The following ZFHX3 variants were observed in gnomAD, a reference collection of about 807,000 sequenced individuals.
ZFHX3 encodes zinc finger homeobox protein 3.
ZFHX3 carries 42 observed loss-of-function variants against 279.1 expected under a neutral mutation model. The observed-to-expected ratio is 0.15, with a 90% confidence interval of 0.12 to 0.19. The LOEUF (loss-of-function observed/expected upper bound fraction) is 0.19, where lower values mean the gene tolerates loss of function less well. Among genes scored for constraint, ZFHX3 ranks in the 10% least tolerant of loss-of-function variants. The pLI is 1.00. For missense variants in ZFHX3, 4,981 were observed against 4,754.0 expected (o/e 1.05, Z -1.40); for synonymous variants, 2,293 against 1,957.8 (o/e 1.17, Z -4.52).
At chr16:72,874,720 C>T (rs12927973) in intron 4 of ZFHX3, among the ~76,000 whole-genome samples, 1 of 150,638 alleles carries the variant, frequency 6.6e-6, no homozygotes, top group South Asian at 2.1e-4. Context: ...ACTCAAACTT[C>T]TGGGCTCCCA....
intron 1 of ZFHX3, chr16:73,006,031 G>A (rs897294315): frequency 2.0e-5 from 3 of 152,130 alleles, no homozygotes; most frequent in Non-Finnish European, 4.4e-5. Flanking sequence ...AAATTTAAAT[G>A]TGTCTTGGGC....
At chr16:73,222,340 C>T (rs1264765493) in intron 5 of ZFHX3, among the ~76,000 whole-genome samples, 1 of 151,884 alleles carries the variant, frequency 6.6e-6, no homozygotes, top group Non-Finnish European at 1.5e-5. Context: ...AACAAAAAGC[C>T]CTCCTGGAAC....
intron 3 of ZFHX3, among the ~76,000 whole-genome samples, chr16:72,930,806 C>A (rs2144292323): frequency 6.6e-6 from 1 of 152,232 alleles, no homozygotes; most frequent in Non-Finnish European, 1.5e-5. Context: ...TCATTACCTA[C>A]ACGTAAGAAA....
At chr16:72,883,396 ATCTC>A (rs1284965116) in intron 4 of ZFHX3, among the ~76,000 whole-genome samples, 4 of 152,122 alleles carry the variant, frequency 2.6e-5, no homozygotes, top group Non-Finnish European at 4.4e-5. Context: ...TTCTGCTAAA[ATCTC>A]TATCAACAAG....
intron 8 of ZFHX3, among the ~76,000 whole-genome samples, chr16:73,078,111 A>AT (rs549269841): frequency 5.9e-5 from 9 of 152,226 alleles, no homozygotes; most frequent in Non-Finnish European, 1.2e-4. Context: ...GGCCAAAGCC[A>AT]TTATTTTTCA....
chr16:73,317,276 G>A (rs2015472227), intron 4 of ZFHX3, among the ~76,000 whole-genome samples: 1 of 151,628 alleles, frequency 6.6e-6, no homozygotes, highest in Non-Finnish European at 1.5e-5. Context: ...CAGAAGCCGG[G>A]GGGTGGGGTG....
intron 1 of ZFHX3, among the ~76,000 whole-genome samples, chr16:73,021,128 G>A (rs768655626): frequency 6.6e-6 from 1 of 152,226 alleles, no homozygotes; most frequent in Admixed American, 6.5e-5. Context: ...AAAGATTTGA[G>A]CAGCTAACTC....
intron 2 of ZFHX3, among the ~76,000 whole-genome samples, chr16:73,494,739 T>A (rs1045423472): frequency 2.0e-4 from 30 of 152,162 alleles, no homozygotes; most frequent in Non-Finnish European, 3.8e-4. Flanking sequence ...TTTTTTTTTT[T>A]TTATTTTTAG....
chr16:73,121,891 A>G (rs1966504424), intron 7 of ZFHX3, among the ~76,000 whole-genome samples: 1 of 152,214 alleles, frequency 6.6e-6, no homozygotes, highest in Non-Finnish European at 1.5e-5. Flanking sequence ...TTGGGATTAC[A>G]GGCATGAGCC....
rs546154133 is a variant in ZFHX3 at position 72,972,644 on chromosome 16, C to T, written c.-49-12450G>A. ...CCGGGAGGGTGGGAAGGCACTATGTCGCCAAGATTTCTGTCCTCTGTCCAA... is the reference window on the plus strand; with the variant it reads ...CCGGGAGGGTGGGAAGGCACTATGTTGCCAAGATTTCTGTCCTCTGTCCAA... On this transcript the variant is annotated intron_variant, in intron 1 of 9. Coordinates refer to ENST00000268489, the MANE Select transcript of ZFHX3 (RefSeq NM_006885.4). Among the ~76,000 whole-genome samples, 5 of 152,246 alleles carry T rather than the reference C, an allele frequency of 3.3e-5. No individual in the cohort carries two copies. In the South Asian group the frequency reaches 1.0e-3, roughly 32 times the overall value.
intron 1 of ZFHX3, among the ~76,000 whole-genome samples, chr16:73,758,531 C>T (rs923929660): frequency 6.6e-6 from 1 of 152,170 alleles, no homozygotes; most frequent in African/African-American, 2.4e-5. Flanking sequence ...CACATGGACA[C>T]GGCCTTCGTG....
chr16:73,128,461 GGT>G (rs1966611651), intron 7 of ZFHX3, among the ~76,000 whole-genome samples: 1 of 152,126 alleles, frequency 6.6e-6, no homozygotes, highest in Non-Finnish European at 1.5e-5. Flanking sequence ...AATTCCCCAT[GGT>G]CACACAGCTT....
At position 73,694,196 on chromosome 16, in the gene ZFHX3, G is replaced by A. The variant is rs548733284; in HGVS notation, c.-1607-13956C>T. ...AAATTAGCCAGGCGTGGTGGCTCATGTCTGTAGTCCCAGCTACTGGGGAGG... is the reference window on the plus strand; with the variant it reads ...AAATTAGCCAGGCGTGGTGGCTCATATCTGTAGTCCCAGCTACTGGGGAGG... On this transcript the variant is annotated intron_variant, in intron 1 of 17. Transcript: ENST00000641206. Among the ~76,000 whole-genome samples, 5 of 152,084 alleles carry A rather than the reference G, an allele frequency of 3.3e-5. No individual in the cohort carries two copies. The East Asian group carries it at 9.8e-4, about 30-fold the overall frequency.
At chr16:73,573,785 A>T (rs769207549) in intron 2 of ZFHX3, among the ~76,000 whole-genome samples, 23 of 152,218 alleles carry the variant, frequency 1.5e-4, no homozygotes, top group Non-Finnish European at 2.5e-4. Flanking sequence ...TGTGTATATG[A>T]ATAGAAAACC....
intron 3 of ZFHX3, among the ~76,000 whole-genome samples, chr16:72,908,467 G>A (rs74770441): frequency 2.0e-3 from 299 of 152,290 alleles, no homozygotes; most frequent in Admixed American, 3.9e-3. Context: ...GATTCAGGAC[G>A]CCTCCCCTGC....
At chr16:72,903,139 C>T (rs1355350901) in intron 3 of ZFHX3, among the ~76,000 whole-genome samples, 1 of 152,124 alleles carries the variant, frequency 6.6e-6, no homozygotes, top group Non-Finnish European at 1.5e-5. Context: ...TGCATTTGTT[C>T]CTGCTGCGAG....
At chr16:73,161,984 G>A (rs907569874) in intron 5 of ZFHX3, among the ~76,000 whole-genome samples, 21 of 152,222 alleles carry the variant, frequency 1.4e-4, no homozygotes, top group Non-Finnish European at 3.1e-4. Flanking sequence ...ACAGCCCATT[G>A]TTATAATGAT....
chr16:73,453,771 G>T (rs375000778), intron 3 of ZFHX3, among the ~76,000 whole-genome samples: 109 of 152,358 alleles, frequency 7.2e-4, no homozygotes, highest in African/African-American at 2.6e-3. Flanking sequence ...CATGGTGGAA[G>T]GTGAAAAGCA....
intron 1 of ZFHX3, among the ~76,000 whole-genome samples, chr16:73,681,856 A>G (rs2053013503): frequency 6.6e-6 from 1 of 152,240 alleles, no homozygotes. Flanking sequence ...TAGAAAATGT[A>G]ATCATATCTA....
Sources: gnomAD v4.1 joint callset for allele counts (sites outside exome capture counted in the v4.1 genomes callset) on GRCh38, gnomAD v4.1.1 for gene constraint, MANE v1.5 for transcripts, NCBI Gene and HGNC (gene_info 2026-07-23, HGNC 2026-07-21) for gene names.